Variants in CHST9 observed in about 807,000 individuals in gnomAD.
CHST9 encodes the protein GalNAc-4-sulfotransferase 2.
A neutral mutation model predicts 44.4 loss-of-function variants in CHST9; 41 were observed. That is an observed-to-expected ratio of 0.92 (90% CI 0.72 to 1.20). The LOEUF (loss-of-function observed/expected upper bound fraction) is 1.20, where lower values mean the gene tolerates loss of function less well. Ranked by LOEUF, CHST9 falls within the 50% of genes most tolerant of loss-of-function variation. The probability of loss-of-function intolerance (pLI) is 0.00; values close to 1 mark genes in which losing one functional copy is unlikely to be tolerated. For missense variants in CHST9, 504 were observed against 516.5 expected (o/e 0.98, Z 0.23); for synonymous variants, 171 against 178.4 (o/e 0.96, Z 0.33).
chr18:27,034,395 C>CA (rs1481106280), intron 3 of CHST9, among the ~76,000 whole-genome samples: 1 of 152,186 alleles, frequency 6.6e-6, no homozygotes, highest in East Asian at 1.9e-4. Flanking sequence ...TTTACTTTAA[C>CA]AGCTTTCTTA....
intron 2 of CHST9, among the ~76,000 whole-genome samples, chr18:27,062,092 A>G (rs1290651950): frequency 6.6e-6 from 1 of 152,058 alleles, no homozygotes; most frequent in African/African-American, 2.4e-5. Context: ...CTGAAGCTGC[A>G]CTCTGCTGCA....
intron 2 of CHST9, among the ~76,000 whole-genome samples, chr18:27,053,189 A>AAGAAGAAGG (rs2057596538): frequency 7.0e-6 from 1 of 142,108 alleles, no homozygotes; most frequent in Non-Finnish European, 1.5e-5. Flanking sequence ...GAAGAAGAAG[A>AAGAAGAAGG]AGAAGAAAGA....
chr18:27,169,779 T>C (rs2058820274), intron 1 of CHST9, among the ~76,000 whole-genome samples: 1 of 151,862 alleles, frequency 6.6e-6, no homozygotes, highest in African/African-American at 2.4e-5. Context: ...CTAATTTTTT[T>C]TGTACTTTTA....
chr18:27,060,929 A>G (rs920338976), intron 2 of CHST9, among the ~76,000 whole-genome samples: 1 of 152,236 alleles, frequency 6.6e-6, no homozygotes, highest in African/African-American at 2.4e-5. Flanking sequence ...ATCCAGCTAT[A>G]GGTGAGATGA....
chr18:27,121,963 A>G (rs963820129), intron 2 of CHST9, among the ~76,000 whole-genome samples: 2 of 152,110 alleles, frequency 1.3e-5, no homozygotes, highest in African/African-American at 4.8e-5. Flanking sequence ...TGTCTTTTTT[A>G]TGATAAATTG....
intron 2 of CHST9, among the ~76,000 whole-genome samples, chr18:27,102,048 A>G (rs2058177627): frequency 1.3e-5 from 2 of 152,120 alleles, no homozygotes; most frequent in African/African-American, 4.8e-5. Context: ...CATCATTCCC[A>G]CTAACTGAAG....
At chr18:27,084,632 T>C (rs73404853) in intron 2 of CHST9, among the ~76,000 whole-genome samples, 4,091 of 152,076 alleles carry the variant, frequency 0.027, 173 homozygotes, top group African/African-American at 0.092. Flanking sequence ...GTATGGTTTT[T>C]TTGGTCTCAA....
intron 4 of CHST9, among the ~76,000 whole-genome samples, chr18:27,010,758 T>G (rs918690504): frequency 6.6e-6 from 1 of 152,174 alleles, no homozygotes; most frequent in Non-Finnish European, 1.5e-5. Flanking sequence ...CAAGGGATGA[T>G]GGGAAGCCCC....
At chr18:26,969,342 C>A (rs2056508380) in intron 4 of CHST9, among the ~76,000 whole-genome samples, 1 of 150,400 alleles carries the variant, frequency 6.6e-6, no homozygotes, top group Non-Finnish European at 1.5e-5. Flanking sequence ...TCTTTACTAG[C>A]TAGTCTTCCT....
intron 4 of CHST9, among the ~76,000 whole-genome samples, chr18:26,956,973 G>A (rs2056334119): frequency 6.6e-6 from 1 of 152,128 alleles, no homozygotes; most frequent in African/African-American, 2.4e-5. Flanking sequence ...TGGACAGCTG[G>A]TCTTGAGAAT....
At chr18:27,180,334 G>A (rs1254570521) in intron 1 of CHST9, among the ~76,000 whole-genome samples, 10 of 152,030 alleles carry the variant, frequency 6.6e-5, no homozygotes, top group African/African-American at 2.2e-4. Context: ...TATTTTATTA[G>A]TTTTTAAAAA....
chr18:27,056,314 CT>C (rs2057654875), intron 2 of CHST9, among the ~76,000 whole-genome samples: 1 of 152,066 alleles, frequency 6.6e-6, no homozygotes, highest in Non-Finnish European at 1.5e-5. Flanking sequence ...GGCTCAGAAT[CT>C]TTTTTCACAT....
At chr18:27,043,552 T>A (rs2057468113) in intron 3 of CHST9, among the ~76,000 whole-genome samples, 1 of 152,080 alleles carries the variant, frequency 6.6e-6, no homozygotes. Flanking sequence ...CAGTTTGATC[T>A]TGTAAATGTA....
intron 1 of CHST9, among the ~76,000 whole-genome samples, chr18:27,146,638 T>G (rs956450375): frequency 8.5e-5 from 13 of 152,244 alleles, no homozygotes; most frequent in African/African-American, 3.1e-4. Flanking sequence ...CAACTCCTTC[T>G]TCTCCCTTCC....
chr18:27,140,089 G>A (rs1029830041), intron 2 of CHST9, among the ~76,000 whole-genome samples: 12 of 152,120 alleles, frequency 7.9e-5, no homozygotes, highest in African/African-American at 2.9e-4. Context: ...TAAACTTTCT[G>A]AGTCTCCCTT....
At chr18:27,018,017 A>G (rs978538180) in intron 4 of CHST9, among the ~76,000 whole-genome samples, 2 of 152,220 alleles carry the variant, frequency 1.3e-5, no homozygotes, top group African/African-American at 4.8e-5. Context: ...AAAGAATTAC[A>G]AAAACCAAAA....
chr18:27,157,816 A>G (rs1033790090), intron 1 of CHST9, among the ~76,000 whole-genome samples: 2 of 150,990 alleles, frequency 1.3e-5, no homozygotes, highest in African/African-American at 4.9e-5. Context: ...CAAAACATGT[A>G]AAAAAAAACT....
At chr18:26,975,711 G>A (rs1683468) in intron 4 of CHST9, among the ~76,000 whole-genome samples, 63,184 of 105,388 alleles carry the variant, frequency 0.6, 16,926 homozygotes, top group African/African-American at 0.7. Flanking sequence ...GTGTATATAT[G>A]TGTGTGTGTG....
At chr18:26,940,955 G>A (rs1568101224) in intron 5 of CHST9, among the ~76,000 whole-genome samples, 1 of 152,196 alleles carries the variant, frequency 6.6e-6, no homozygotes, top group Non-Finnish European at 1.5e-5. Context: ...TGATGTGGCT[G>A]TAAGCCAAGG....
Sources: allele counts gnomAD v4.1 joint callset (sites outside exome capture counted in the v4.1 genomes callset), GRCh38; gene constraint gnomAD v4.1.1; transcripts MANE v1.5; gene names NCBI Gene and HGNC (gene_info 2026-07-23, HGNC 2026-07-21).